Variants in FYB2 observed in about 807,000 individuals in gnomAD.
FYB2 encodes the protein FYN-binding protein 2.
In FYB2, 103 loss-of-function variants were observed where a neutral mutation model predicts 94.1. That is an observed-to-expected ratio of 1.09 (90% CI 0.93 to 1.29). The LOEUF (loss-of-function observed/expected upper bound fraction) is 1.29, where lower values mean the gene tolerates loss of function less well. Ranked by LOEUF, FYB2 falls within the 50% of genes most tolerant of loss-of-function variation. The probability of loss-of-function intolerance (pLI) is 0.00; values close to 1 mark genes in which losing one functional copy is unlikely to be tolerated. For synonymous variants in FYB2, 293 were observed against 287.9 expected (o/e 1.02, Z -0.18); for missense variants, 896 against 841.5 (o/e 1.06, Z -0.80).
chr1:56,781,018 TCAC>T (rs1453257120), intron 4 of FYB2, among the ~76,000 whole-genome samples: 31 of 152,206 alleles, frequency 2.0e-4, no homozygotes, highest in African/African-American at 6.5e-4. Flanking sequence ...CTCTTGAATA[TCAC>T]CACAAGGAGG....
rs534169269 is a variant in FYB2 at position 56,753,895 on chromosome 1, A to G, written c.1171T>C (p.Cys391Arg). The change falls in exon 8 of 20, where the codon TGT becomes CGT. Residue 391 changes from cysteine (C) to arginine (R), a missense_variant. Coordinates refer to ENST00000343433, the MANE Select transcript of FYB2 (RefSeq NM_001004303.5). The stretch of plus-strand genomic sequence containing the variant: ...TCTGTGTTTTTAGGTTTCAATTCAC[A>G]TGGTTGTTTTTCCTTCATTTTTTTA... ...EDKKMKEKQP[C>R]ELKPKNTEKE... 7.3e-5 allele frequency: 118 copies of G among 1,611,350 alleles called. No homozygotes were observed. Among genetic ancestry groups the G allele is most frequent in the Non-Finnish European group, 9.6e-5 (113 of 1,178,184 alleles).
rs548134392 is a variant in FYB2 at position 56,778,327 on chromosome 1, T to C, written c.953+8848A>G. On this transcript the variant is annotated intron_variant, in intron 4 of 19. Coordinates refer to ENST00000343433, the MANE Select transcript of FYB2 (RefSeq NM_001004303.5). ...CACTGTTATAGTCTTGAAATTACTT[T>C]ATTACTCTTTGTAACTAGTTTAATT... Among the ~76,000 whole-genome samples the C allele has an allele frequency of 2.0e-5, 3 of 152,356 alleles. No individual in the cohort carries two copies. In the South Asian group the frequency reaches 6.2e-4, roughly 32 times the overall value.
chr1:56,795,336 T>G (rs925427614), intron 1 of FYB2, among the ~76,000 whole-genome samples: 1 of 152,156 alleles, frequency 6.6e-6, no homozygotes, highest in Non-Finnish European at 1.5e-5. Context: ...CTAAATAATA[T>G]ATCATAGTGT....
At chr1:56,765,967 G>A (rs1645612583) in intron 5 of FYB2, among the ~76,000 whole-genome samples, 1 of 152,136 alleles carries the variant, frequency 6.6e-6, no homozygotes, top group African/African-American at 2.4e-5. Flanking sequence ...TGGATTCTAG[G>A]GGCATCACGT....
Position 56,789,102 on chromosome 1 carries a change from G to A in FYB2, c.790C>T (p.Pro264Ser). The A allele has an allele frequency of 1.2e-6, 2 of 1,606,612 alleles. No homozygotes were observed. Among genetic ancestry groups the A allele is most frequent in the African/African-American group, 1.3e-5 (1 of 74,842 alleles). Reference sequence around the variant, plus strand: ...ATGGAGGGCAATGGCTTTGTTTTGGGAAGGTGGTGATGCCTGACATCTGGC... The same window carrying A: ...ATGGAGGGCAATGGCTTTGTTTTGGAAAGGTGGTGATGCCTGACATCTGGC... ...KQPDVRHHHL[P>S]KTKPLPSIDS... Residue 264 changes from proline (P) to serine (S), a missense_variant, in exon 3 of 20, where the codon CCC (proline) becomes TCC (serine). Pro to Ser is a moderately conservative substitution (Grantham distance 74). Coordinates refer to ENST00000343433, the MANE Select transcript of FYB2 (RefSeq NM_001004303.5).
intron 1 of FYB2, among the ~76,000 whole-genome samples, chr1:56,816,144 A>G (rs1309498674): frequency 6.6e-6 from 1 of 152,218 alleles, no homozygotes; most frequent in Non-Finnish European, 1.5e-5. Context: ...TAAAACAAAA[A>G]GCATTTTTCT....
At chr1:56,744,100 C>T (rs759813770) in intron 10 of FYB2, 34 bp from the exon 11 acceptor site, 2 of 1,612,344 alleles carry the variant, frequency 1.2e-6, no homozygotes, top group Non-Finnish European at 1.7e-6. Flanking sequence ...CATTATTGTA[C>T]CTTTAAAGTC....
At chr1:56,798,977 A>C (rs572644858) in intron 1 of FYB2, among the ~76,000 whole-genome samples, 1 of 152,358 alleles carries the variant, frequency 6.6e-6, no homozygotes, top group East Asian at 1.9e-4. Context: ...TTACATGAGC[A>C]TAAATGCTGT....
chr1:56,823,804 AG>A (rs1164963303), upstream of FYB2: 1 of 152,196 alleles, frequency 6.6e-6, no homozygotes, highest in Non-Finnish European at 1.5e-5. Context: ...CACTAATGCC[AG>A]TTACATTATG....
chr1:56,819,993 C>T (rs1646971319), upstream of FYB2, among the ~76,000 whole-genome samples: 1 of 151,996 alleles, frequency 6.6e-6, no homozygotes, highest in East Asian at 1.9e-4. Context: ...TTTGGGAGGT[C>T]GAGGTGTGTG....
rs374775730 is a variant in FYB2 at position 56,754,743 on chromosome 1, G to A, written c.1131-808C>T. The stretch of plus-strand genomic sequence containing the variant: ...TAACCCCTCACTCCCAACTACTCTG[G>A]CTTCCCCTCCCATCTTGGATCAAGG... On this transcript the variant is annotated intron_variant, in intron 7 of 19. Transcript: ENST00000343433. Among the ~76,000 whole-genome samples the A allele has an allele frequency of 1.9e-3, 289 of 152,060 alleles. 1 individual carries two copies. The highest frequency in any genetic ancestry group is 6.8e-3 in the African/African-American group (281 of 41,486).
At chr1:56,735,186 A>G (rs538728502) in intron 15 of FYB2, among the ~76,000 whole-genome samples, 2 of 152,282 alleles carry the variant, frequency 1.3e-5, no homozygotes, top group South Asian at 2.1e-4. Flanking sequence ...TATATGCAAT[A>G]GCCAACATAT....
chr1:56,812,843 A>G (rs142552876), intron 1 of FYB2, among the ~76,000 whole-genome samples: 9 of 152,356 alleles, frequency 5.9e-5, no homozygotes, highest in African/African-American at 2.2e-4. Flanking sequence ...AGTTATTTAC[A>G]TAAATTCTCT....
At chr1:56,728,876 T>C (rs1445185110) in intron 15 of FYB2, among the ~76,000 whole-genome samples, 2 of 152,182 alleles carry the variant, frequency 1.3e-5, no homozygotes, top group African/African-American at 4.8e-5. Flanking sequence ...ATCTCTTTTG[T>C]TCACTGCTCT....
chr1:56,816,353 C>T (rs138653635), intron 1 of FYB2, among the ~76,000 whole-genome samples: 36 of 152,268 alleles, frequency 2.4e-4, no homozygotes, highest in Admixed American at 6.5e-5. Context: ...GTCTACATCA[C>T]GTGTCTCTAG....
chr1:56,751,057 G>A lies in FYB2; in HGVS notation c.1374C>T (p.His458=), dbSNP rs750983418. Residue 458 remains histidine (H), a synonymous_variant, in exon 9 of 20, where the codon CAC becomes CAT. Coordinates refer to ENST00000343433, the MANE Select transcript of FYB2 (RefSeq NM_001004303.5). Reference sequence around the variant, plus strand: ...AATGCAACTTACAGTGGCCTTGGGAGTGCCTGGCCAGCTTTGGGCCCTCAG... The same window carrying A: ...AATGCAACTTACAGTGGCCTTGGGAATGCCTGGCCAGCTTTGGGCCCTCAG... ...PCPEGPKLAR[H]SQGHCGHLEV... is the part of the protein sequence containing the mutation. 2 of 1,612,408 alleles carry A rather than the reference G, an allele frequency of 1.2e-6. No individual in the cohort carries two copies. Among genetic ancestry groups the A allele is most frequent in the Admixed American group, 1.7e-5 (1 of 59,884 alleles).
chr1:56,812,118 T>C (rs1646781975), intron 1 of FYB2, among the ~76,000 whole-genome samples: 1 of 152,204 alleles, frequency 6.6e-6, no homozygotes, highest in African/African-American at 2.4e-5. Flanking sequence ...GTCTAGGATT[T>C]TATCCTTTTC....
At chr1:56,742,081 T>C (rs1443000480) in intron 12 of FYB2, 80 bp downstream of exon 12, 6 of 1,269,460 alleles carry the variant, frequency 4.7e-6, no homozygotes, top group Non-Finnish European at 5.6e-6. Flanking sequence ...GGGCGGATGG[T>C]GGGTCCTCAC....
chr1:56,801,481 A>G (rs1156650404), intron 1 of FYB2, among the ~76,000 whole-genome samples: 1 of 152,142 alleles, frequency 6.6e-6, no homozygotes, highest in Non-Finnish European at 1.5e-5. Context: ...CAAATTCCAA[A>G]TCCATGCAGG....
Sources: gnomAD v4.1 joint callset for allele counts (sites outside exome capture counted in the v4.1 genomes callset) on GRCh38, gnomAD v4.1.1 for gene constraint, MANE v1.5 for transcripts, NCBI Gene and HGNC (gene_info 2026-07-23, HGNC 2026-07-21) for gene names.